The following UTP14C variants were observed in gnomAD, a reference collection of about 807,000 sequenced individuals.
UTP14C encodes UTP14C small subunit processome component, also known as U3 small nucleolar RNA-associated protein 14 homolog C.
In UTP14C, 10 loss-of-function variants were observed where a neutral mutation model predicts 14.6. The observed-to-expected ratio is 0.68, with a 90% CI of 0.42 to 1.16. The LOEUF (loss-of-function observed/expected upper bound fraction) is 1.16. Among genes scored for constraint, UTP14C ranks in the 50% most tolerant of loss-of-function variants. The pLI is 0.00. For synonymous variants in UTP14C, 315 were observed against 331.6 expected (o/e 0.95, Z 0.54); for missense variants, 818 against 890.8 (o/e 0.92, Z 1.04).
chr13:52,030,196 A>G lies in UTP14C; in HGVS notation c.1392A>G (p.Lys464=). ...CCGAATTGAGGGCACTATCTCAGAA[A>G]TTGAAGGAAAAACATCAGTCCAGGA... is the stretch of plus-strand genomic sequence containing the variant. ...VLSELRALSQ[K]LKEKHQSRKQ... is the part of the protein sequence containing the mutation. The change falls in exon 2 of 2, where the codon AAA becomes AAG. Residue 464 remains lysine, a synonymous_variant. Transcript: ENST00000521776. 1 of 1,614,232 alleles carries G rather than the reference A, an allele frequency of 6.2e-7. No homozygotes were observed. Among genetic ancestry groups the G allele is most frequent in the Non-Finnish European group, 8.5e-7 (1 of 1,180,042 alleles).
rs1444836856 is a variant in UTP14C, at chr13:52,032,548, G to A, written c.*1443G>A. 6.0e-6 allele frequency: 1 copy of A among 166,952 alleles called. No individual in the cohort carries two copies. Among genetic ancestry groups the A allele is most frequent in the East Asian group, 1.9e-4 (1 of 5,188 alleles). 10.3% of individuals were successfully genotyped at this position (166,952 alleles called of 1,614,324 possible). A position where few individuals can be genotyped will look rare whatever the true frequency, so the allele number is the denominator to read the frequency against. ...CTTTGTGTTAAGGGGCAAATGAAAC[G>A]GTATATTATTTCTTTGCAGTCTCCT... On this transcript the variant is annotated 3_prime_UTR_variant, in exon 2 of 2. Coordinates refer to ENST00000521776, the MANE Select transcript of UTP14C (RefSeq NM_021645.6).
chr13:52,033,111 GTTCA>G lies in UTP14C; in HGVS notation c.*2009_*2012del, dbSNP rs2140856730. 6.0e-6 allele frequency: 1 copy of G among 167,052 alleles called. No individual in the cohort carries two copies. Among genetic ancestry groups the G allele is most frequent in the African/African-American group, 2.4e-5 (1 of 41,540 alleles). The allele number at this position is 167,052 out of a possible 1,614,324, so 10.3% of individuals were successfully genotyped here. ...ATTGGAAGATATAATTTGCATATATGTTCATTATCAGTGTTCCTAATTTGGTATT... is the reference window on the plus strand; with the variant it reads ...ATTGGAAGATATAATTTGCATATATGTTATCAGTGTTCCTAATTTGGTATT... On this transcript the variant is annotated 3_prime_UTR_variant, in exon 2 of 2. Coordinates refer to ENST00000521776, the MANE Select transcript of UTP14C (RefSeq NM_021645.6).
Position 52,032,492 on chromosome 13 carries a change from G to C in UTP14C, c.*1387G>C, listed in dbSNP as rs149964820. The C allele has an allele frequency of 2.2e-4, 36 of 167,188 alleles. No homozygotes were observed. The highest frequency in any genetic ancestry group is 3.4e-3 in the Middle Eastern group (1 of 296). 10.4% of individuals were successfully genotyped at this position (167,188 alleles called of 1,614,324 possible). On this transcript the variant is annotated 3_prime_UTR_variant, in exon 2 of 2. Transcript: ENST00000521776. ...TATATAATCAATCCTTTCTAGTTCAGTGAATTGACCCCATCCACAGGCTGA... is the reference window on the plus strand; with the variant it reads ...TATATAATCAATCCTTTCTAGTTCACTGAATTGACCCCATCCACAGGCTGA...
In UTP14C at chr13:52,031,315, T is replaced by A; in HGVS notation, c.*210T>A. 1.4e-6 allele frequency: 1 copy of A among 727,980 alleles called. No homozygotes were observed. The highest frequency in any genetic ancestry group is 2.2e-6 in the Non-Finnish European group (1 of 457,878). The allele number at this position is 727,980 out of a possible 1,614,324, so 45.1% of individuals were successfully genotyped here. A position where few individuals can be genotyped will look rare whatever the true frequency, so the allele number is the denominator to read the frequency against. ...GAACACAGAAAAATTCTAGTACATTTAAATTCTAAACAATACAGTGGATGA... is the reference window on the plus strand; with the variant it reads ...GAACACAGAAAAATTCTAGTACATTAAAATTCTAAACAATACAGTGGATGA... On this transcript the variant is annotated 3_prime_UTR_variant, in exon 2 of 2. Transcript: ENST00000521776.
rs1954317178 is a variant in UTP14C at position 52,032,673 on chromosome 13, G to A, written c.*1568G>A. On this transcript the variant is annotated 3_prime_UTR_variant, in exon 2 of 2. Coordinates refer to ENST00000521776, the MANE Select transcript of UTP14C (RefSeq NM_021645.6). Reference sequence around the variant, plus strand: ...TCAGATCAAAAAGCAGCAAACAGAGGGTCAGTCACAGGATGTTCTGACACA... The same window carrying A: ...TCAGATCAAAAAGCAGCAAACAGAGAGTCAGTCACAGGATGTTCTGACACA... 6.0e-6 allele frequency: 1 copy of A among 166,910 alleles called. No homozygotes were observed. 10.3% of individuals were successfully genotyped at this position (166,910 alleles called of 1,614,324 possible). A position where few individuals can be genotyped will look rare whatever the true frequency, so the allele number is the denominator to read the frequency against.
chr13:52,030,266 G>A lies in UTP14C; in HGVS notation c.1462G>A (p.Glu488Lys), dbSNP rs1023805672. ...SEGTVPQVQR[E>K]EPAPEEAEPL... Reference sequence around the variant, plus strand: ...GGGGACTGTTCCCCAGGTCCAGAGAGAGGAACCTGCCCCAGAAGAAGCGGA... The same window carrying A: ...GGGGACTGTTCCCCAGGTCCAGAGAAAGGAACCTGCCCCAGAAGAAGCGGA... Residue 488 changes from glutamate to lysine, a missense_variant, in exon 2 of 2, where the codon GAG becomes AAG. Transcript: ENST00000521776. 1.9e-6 allele frequency: 3 copies of A among 1,614,214 alleles called. No individual in the cohort carries two copies. The highest frequency in any genetic ancestry group is 3.3e-5 in the Admixed American group (2 of 60,024).
At chr13:52,026,135 G>T (rs574241529) in intron 1 of UTP14C, among the ~76,000 whole-genome samples, 48 of 152,344 alleles carry the variant, frequency 3.2e-4, no homozygotes, top group African/African-American at 1.2e-3. Flanking sequence ...GCAGGGTGAT[G>T]TGAAAGCGCC....
At position 52,032,000 on chromosome 13, in the gene UTP14C, A is replaced by G; in HGVS notation, c.*895A>G. ...CACTTTGGGAGGCCGAGATGGGTGGATCATGAGGTCAGCAGTTGAGACCAG... is the reference window on the plus strand; with the variant it reads ...CACTTTGGGAGGCCGAGATGGGTGGGTCATGAGGTCAGCAGTTGAGACCAG... On this transcript the variant is annotated 3_prime_UTR_variant, in exon 2 of 2. Coordinates refer to ENST00000521776, the MANE Select transcript of UTP14C (RefSeq NM_021645.6). 6.2e-6 allele frequency: 1 copy of G among 161,082 alleles called. No individual in the cohort carries two copies. Among genetic ancestry groups the G allele is most frequent in the East Asian group, 1.9e-4 (1 of 5,188 alleles). The allele number at this position is 161,082 out of a possible 1,614,324, so 10.0% of individuals were successfully genotyped here. A position where few individuals can be genotyped will look rare whatever the true frequency, so the allele number is the denominator to read the frequency against.
Position 52,030,613 on chromosome 13 carries a change from C to T in UTP14C, c.1809C>T (p.Val603=). The change falls in exon 2 of 2, where the codon GTC becomes GTT. Residue 603 remains valine (V), a synonymous_variant. Coordinates refer to ENST00000521776, the MANE Select transcript of UTP14C (RefSeq NM_021645.6). The part of the protein sequence containing the change: ...MIKEAFAGDD[V]IRDFLKEKRE... ...AGGAAGCTTTTGCTGGGGATGATGT[C>T]ATCAGAGATTTCTTGAAAGAGAAGA... 2 of 1,614,154 alleles carry T rather than the reference C, an allele frequency of 1.2e-6. No homozygotes were observed. The highest frequency in any genetic ancestry group is 1.7e-6 in the Non-Finnish European group (2 of 1,180,020).
At position 52,030,758 on chromosome 13, in the gene UTP14C, G is replaced by A. The variant is rs139046238; in HGVS notation, c.1954G>A (p.Ala652Thr). ...GAAAAGACGCCAGTTTCTCATTAAA[G>A]CCCCTGAGGGTCCTCCAAGAAAAGA... ...AKKRRQFLIK[A>T]PEGPPRKDKN... Residue 652 changes from alanine to threonine, a missense_variant, in exon 2 of 2, where the codon GCC becomes ACC. Transcript: ENST00000521776. 2.3e-4 allele frequency: 375 copies of A among 1,614,216 alleles called. 2 individuals carry two copies. The highest frequency in any genetic ancestry group is 3.3e-4 in the Middle Eastern group (2 of 6,062).
rs778691415 is a variant in UTP14C, at chr13:52,028,876, C to G, written c.72C>G (p.Asn24Lys). 14 of 1,614,092 alleles carry G rather than the reference C, an allele frequency of 8.7e-6. No homozygotes were observed. The highest frequency in any genetic ancestry group is 1.2e-5 in the Non-Finnish European group (14 of 1,180,044). Residue 24 changes from asparagine (N) to lysine (K), a missense_variant, in exon 2 of 2, where the codon AAC becomes AAG. Transcript: ENST00000521776. ...HQEELVDLPK[N>K]YPLSENEDEG... The stretch of plus-strand genomic sequence containing the variant: ...AAGAACTAGTGGATTTGCCAAAAAA[C>G]TACCCCTTGAGTGAAAATGAAGATG...
At chr13:52,025,058 C>A in intron 1 of UTP14C, 121 bp downstream of exon 1, 3 of 1,128,612 alleles carry the variant, frequency 2.7e-6, no homozygotes, top group Admixed American at 1.8e-5. Flanking sequence ...CCTCATCCAC[C>A]AAATGTGCTT....
Position 52,031,126 on chromosome 13 carries a change from ACAGT to A in UTP14C, c.*25_*28del, listed in dbSNP as rs745398264. ...TGTAGGTTGTGTAGCTGGAGAAGTG[ACAGT>A]CAGGGGCCCTGATTCCACTTCCTTT... On this transcript the variant is annotated 3_prime_UTR_variant, in exon 2 of 2. Transcript: ENST00000521776. 44 of 1,587,790 alleles carry A rather than the reference ACAGT, an allele frequency of 2.8e-5. No individual in the cohort carries two copies. Among genetic ancestry groups the A allele is most frequent in the Admixed American group, 1.0e-4 (6 of 57,518 alleles).
Position 52,029,773 on chromosome 13 carries a change from G to T in UTP14C, c.969G>T (p.Gln323His). ...KYDLEARQAM[Q>H]EQLAKNKELT... ...ACCTGGAGGCTCGCCAAGCTATGCA[G>T]GAACAGTTGGCCAAGAACAAAGAAC... Residue 323 changes from glutamine to histidine, a missense_variant, in exon 2 of 2, where the codon CAG becomes CAT. Physicochemically the swap from Gln to His is conservative, Grantham distance 24 (BLOSUM62 0). Coordinates refer to ENST00000521776, the MANE Select transcript of UTP14C (RefSeq NM_021645.6). 2 of 1,614,212 alleles carry T rather than the reference G, an allele frequency of 1.2e-6. No individual in the cohort carries two copies. Among genetic ancestry groups the T allele is most frequent in the Non-Finnish European group, 1.7e-6 (2 of 1,180,042 alleles).
rs1228510389 is a variant in UTP14C at position 52,024,856 on chromosome 13, A to G, written c.-568A>G. 1.9e-6 allele frequency: 3 copies of G among 1,613,932 alleles called. No individual in the cohort carries two copies. The highest frequency in any genetic ancestry group is 2.5e-6 in the Non-Finnish European group (3 of 1,179,986). ...AGAATATGTGGAATTTAAAATAAAC[A>G]TTCCATTTGATGAATTAAAGAATTA... On this transcript the variant is annotated 5_prime_UTR_variant, in exon 1 of 2. Coordinates refer to ENST00000521776, the MANE Select transcript of UTP14C (RefSeq NM_021645.6).
At chr13:52,026,482 G>A (rs1166828578) in intron 1 of UTP14C, among the ~76,000 whole-genome samples, 1 of 152,224 alleles carries the variant, frequency 6.6e-6, no homozygotes, top group African/African-American at 2.4e-5. Context: ...TGGAAGGGCA[G>A]TAAGATGAGC....
chr13:52,027,448 AG>A (rs1018975490), intron 1 of UTP14C, among the ~76,000 whole-genome samples: 3 of 152,212 alleles, frequency 2.0e-5, no homozygotes, highest in Admixed American at 6.5e-5. Flanking sequence ...TCTGTTCTGC[AG>A]GGATTTCACC....
intron 1 of UTP14C, among the ~76,000 whole-genome samples, chr13:52,026,905 A>G (rs1417697575): frequency 6.6e-6 from 1 of 152,200 alleles, no homozygotes; most frequent in Non-Finnish European, 1.5e-5. Flanking sequence ...CGCCTGGGGA[A>G]TATGTACAGA....
At position 52,028,385 on chromosome 13, in the gene UTP14C, A is replaced by G; in HGVS notation, c.-420A>G. 1 of 1,614,182 alleles carries G rather than the reference A, an allele frequency of 6.2e-7. No homozygotes were observed. The highest frequency in any genetic ancestry group is 8.5e-7 in the Non-Finnish European group (1 of 1,180,026). On this transcript the variant is annotated 5_prime_UTR_variant, in exon 2 of 2. Transcript: ENST00000521776. ...CACAATTCGGGGGGCCCAAAGCTTGACATTGTGGTTCCTCACGAAGGAGAT... is the reference window on the plus strand; with the variant it reads ...CACAATTCGGGGGGCCCAAAGCTTGGCATTGTGGTTCCTCACGAAGGAGAT...
Sources: gnomAD v4.1 joint callset for allele counts (sites outside exome capture counted in the v4.1 genomes callset) on GRCh38, gnomAD v4.1.1 for gene constraint, MANE v1.5 for transcripts, NCBI Gene and HGNC (gene_info 2026-07-23, HGNC 2026-07-21) for gene names.